CORO7: variants seen among roughly 807,000 people sequenced by gnomAD.
CORO7 encodes the protein coronin-7.
CORO7 carries 107 observed loss-of-function variants against 126.6 expected under a neutral mutation model. The ratio of observed to expected loss-of-function variants is 0.85; its 90% CI spans 0.72 to 0.99. The LOEUF is 0.99. Ranked by LOEUF, CORO7 falls within the 50% of genes least tolerant of loss-of-function variation. The pLI, the probability that CORO7 is intolerant of heterozygous loss-of-function variation, is 0.00. For missense variants in CORO7, 1,314 were observed against 1,255.8 expected (o/e 1.05, Z -0.70); for synonymous variants, 603 against 536.8 (o/e 1.12, Z -1.70).
In CORO7 at chr16:4,358,495, A is replaced by G. The variant is rs1236785003; in HGVS notation, c.2341-12T>C. 3.2e-6 allele frequency: 5 copies of G among 1,576,642 alleles called. No individual in the cohort carries two copies. The highest frequency in any genetic ancestry group is 3.5e-6 in the Non-Finnish European group (4 of 1,157,810). ...AGGAGGACGAGGCCCTGGGGGAGCA[A>G]GGGAGTCGGAGCTGCCGCTGGGACC... On this transcript the variant is annotated splice_polypyrimidine_tract_variant and intron_variant, in intron 23 of 27. Transcript: ENST00000251166.
At chr16:4,373,029 G>A (rs1288851592) in intron 9 of CORO7, among the ~76,000 whole-genome samples, 1 of 152,160 alleles carries the variant, frequency 6.6e-6, no homozygotes, top group African/African-American at 2.4e-5. Flanking sequence ...GGGCATAGAG[G>A]GGTGGCCGGG....
At chr16:4,389,996 G>C (rs1289056885) in intron 7 of CORO7, among the ~76,000 whole-genome samples, 1 of 152,192 alleles carries the variant, frequency 6.6e-6, no homozygotes, top group Non-Finnish European at 1.5e-5. Flanking sequence ...TCACTCATCT[G>C]TTCTCTCGTC....
chr16:4,409,433 T>C (rs935390216), intron 3 of CORO7, among the ~76,000 whole-genome samples: 1 of 152,056 alleles, frequency 6.6e-6, no homozygotes, highest in African/African-American at 2.4e-5. Flanking sequence ...CAGGCGTGAA[T>C]GAGATGTGAT....
intron 22 of CORO7, 47 bp from the exon 23 acceptor site, chr16:4,359,432 T>A: frequency 6.2e-7 from 1 of 1,612,988 alleles, no homozygotes; most frequent in Non-Finnish European, 8.5e-7. Context: ...ACACTGGCCT[T>A]CCCCCCACCA....
At chr16:4,404,348 C>T (rs1049498020) in intron 6 of CORO7, among the ~76,000 whole-genome samples, 8 of 152,102 alleles carry the variant, frequency 5.3e-5, no homozygotes, top group African/African-American at 1.4e-4. Context: ...TACCCACGGC[C>T]GCCTCCCTGG....
At chr16:4,383,083 GC>G in intron 9 of CORO7, 2 of 670,642 alleles carry the variant, frequency 3.0e-6, no homozygotes, top group Non-Finnish European at 4.8e-6. Flanking sequence ...AGATGCTGTG[GC>G]CCAGCTGACG....
rs778091848 is a variant in CORO7, at chr16:4,361,218, C to A, written c.1718G>T (p.Arg573Leu). 1 of 1,612,712 alleles carries A rather than the reference C, an allele frequency of 6.2e-7. No individual in the cohort carries two copies. Among genetic ancestry groups the A allele is most frequent in the South Asian group, 1.1e-5 (1 of 91,086 alleles). The change falls in exon 18 of 28, where the codon CGG (arginine) becomes CTG (leucine). Residue 573 changes from arginine to leucine, a missense_variant. Coordinates refer to ENST00000251166, the MANE Select transcript of CORO7 (RefSeq NM_024535.5). ...CTCTTCCAGGCCCTCTGCGGGTACC[C>A]GCCACAGTCGGATCCTGGCGTCCTC... is the stretch of plus-strand genomic sequence containing the variant. ...AGEDARIRLW[R>L]VPAEGLEEVL...
At chr16:4,364,142 C>T (rs961981521) in intron 14 of CORO7, 134 bp downstream of exon 14, 36 of 1,230,654 alleles carry the variant, frequency 2.9e-5, no homozygotes, top group East Asian at 1.2e-4. Flanking sequence ...GCCGAGGTTG[C>T]GCCACTGCAC....
chr16:4,366,558 AAGAGACAC>A (rs1237111753), intron 9 of CORO7, among the ~76,000 whole-genome samples: 5 of 92,104 alleles, frequency 5.4e-5, no homozygotes, highest in African/African-American at 3.1e-4. Flanking sequence ...TTTTTTTTTT[AAGAGACAC>A]GGTCTCCCTC....
chr16:4,361,969 G>C lies in CORO7; in HGVS notation c.1578+16C>G. The C allele has an allele frequency of 6.3e-7, 1 of 1,591,886 alleles. No individual in the cohort carries two copies. The highest frequency in any genetic ancestry group is 8.5e-7 in the Non-Finnish European group (1 of 1,169,922). ...CAGGGAACTGAGGGGCAGCCCTGGTGGGGTGGGGCCCTCACCTCAAGCACA... is the reference window on the plus strand; with the variant it reads ...CAGGGAACTGAGGGGCAGCCCTGGTCGGGTGGGGCCCTCACCTCAAGCACA... On this transcript the variant is annotated intron_variant, in intron 16 of 27. Coordinates refer to ENST00000251166, the MANE Select transcript of CORO7 (RefSeq NM_024535.5).
chr16:4,378,339 GTGGCCAGGC>G (rs141346072), intron 9 of CORO7, among the ~76,000 whole-genome samples: 2,220 of 152,244 alleles, frequency 0.015, 38 homozygotes, highest in Middle Eastern at 0.037. Flanking sequence ...GGCCACAGTG[GTGGCCAGGC>G]TGGCCAGGCT....
chr16:4,399,091 A>G (rs2055707973), intron 6 of CORO7, among the ~76,000 whole-genome samples: 3 of 152,342 alleles, frequency 2.0e-5, no homozygotes, highest in Admixed American at 2.0e-4. Context: ...TTCCTCAAAA[A>G]ATTAAAAATA....
At chr16:4,368,370 C>G (rs1169019355) in intron 9 of CORO7, among the ~76,000 whole-genome samples, 2 of 151,786 alleles carry the variant, frequency 1.3e-5, no homozygotes, top group Non-Finnish European at 2.9e-5. Context: ...AAAAATTAGC[C>G]TGCTGTGGTA....
chr16:4,380,057 CAA>C (rs779747877), intron 9 of CORO7, among the ~76,000 whole-genome samples: 11 of 90,084 alleles, frequency 1.2e-4, no homozygotes, highest in African/African-American at 2.5e-4. Context: ...GACTCCGTCT[CAA>C]AAAAAAAAAA....
At chr16:4,364,957 C>T (rs377380456) in intron 11 of CORO7, 37 bp from the exon 12 acceptor site, 194 of 1,605,836 alleles carry the variant, frequency 1.2e-4, no homozygotes, top group Non-Finnish European at 1.6e-4. Context: ...GCAGGATGGG[C>T]AGGGGAGGGG....
At chr16:4,402,813 C>T (rs1019460236) in intron 6 of CORO7, among the ~76,000 whole-genome samples, 1 of 152,224 alleles carries the variant, frequency 6.6e-6, no homozygotes, top group East Asian at 1.9e-4. Context: ...CGCAGCAGGC[C>T]GGAATGGGCC....
rs540448598 is a variant in CORO7, at chr16:4,366,473, AG to A, written c.786-929del. Among the ~76,000 whole-genome samples the A allele has an allele frequency of 1.1e-3, 167 of 151,092 alleles. 1 individual carries two copies. Among genetic ancestry groups the A allele is most frequent in the African/African-American group, 4.0e-3 (163 of 41,090 alleles). ...CTTTTGAGGGGAATGGGGACCTGGA[AG>A]GACTCTGACAGATGCCCAGATGCCC... On this transcript the variant is annotated intron_variant, in intron 9 of 27. Transcript: ENST00000251166.
chr16:4,393,327 T>C (rs1028036753), intron 7 of CORO7, among the ~76,000 whole-genome samples: 6 of 152,164 alleles, frequency 3.9e-5, no homozygotes, highest in Non-Finnish European at 7.4e-5. Flanking sequence ...CTAGTGAGGA[T>C]ACCGTACACA....
chr16:4,391,399 T>C (rs566256651), intron 7 of CORO7, among the ~76,000 whole-genome samples: 35 of 151,992 alleles, frequency 2.3e-4, no homozygotes, highest in Non-Finnish European at 4.1e-4. Flanking sequence ...CTACCAAAAA[T>C]ACAAAAATTA....
Sources: allele counts gnomAD v4.1 joint callset (sites outside exome capture counted in the v4.1 genomes callset), GRCh38; gene constraint gnomAD v4.1.1; transcripts MANE v1.5; gene names NCBI Gene and HGNC (gene_info 2026-07-23, HGNC 2026-07-21).